DMD: variants seen among roughly 807,000 people sequenced by gnomAD.
DMD encodes the protein dystrophin.
A neutral mutation model predicts 330.1 loss-of-function variants in DMD; 63 were observed. The observed-to-expected ratio is 0.19, with a 90% CI of 0.16 to 0.24. The LOEUF is 0.24. DMD is among the 10% of genes least tolerant of loss of function. The pLI is 1.00. For missense variants in DMD, 3,344 were observed against 2,684.1 expected (o/e 1.25, Z -5.43); for synonymous variants, 1,223 against 959.8 (o/e 1.27, Z -5.07).
chrX:31,320,615 T>C (rs947747352), intron 62 of DMD, among the ~76,000 whole-genome samples: 1 of 112,189 alleles, frequency 8.9e-6, no homozygotes, highest in South Asian at 3.8e-4. Context: ...CACCGAACCT[T>C]GTACATCAAA....
Position 31,173,716 on chromosome X carries a change from G to A in DMD, c.10263-112C>T, listed in dbSNP as rs1039881103. On this transcript the variant is annotated intron_variant, in intron 71 of 78. Transcript: ENST00000357033. ...TAGAATGCTTTTATTCTAATTCTAT[G>A]GATAATGTATACATTTAGTTGCTCC... is the stretch of plus-strand genomic sequence containing the variant. 18 of 572,240 alleles carry A rather than the reference G, an allele frequency of 3.1e-5. No individual in the cohort carries two copies. The African/African-American group carries it at 3.4e-4, about 11-fold the overall frequency. 47.2% of individuals were successfully genotyped at this position (572,240 alleles called of 1,213,427 possible).
chrX:33,067,619 T>C (rs1018339579), intron 1 of DMD, among the ~76,000 whole-genome samples: 1 of 111,816 alleles, frequency 8.9e-6, no homozygotes, highest in African/African-American at 3.2e-5. Flanking sequence ...GGCGGGTGGA[T>C]CACCTGAGAT....
chrX:31,201,046 C>T (rs1399179175), intron 67 of DMD, among the ~76,000 whole-genome samples: 3 of 111,237 alleles, frequency 2.7e-5, no homozygotes, highest in African/African-American at 9.8e-5. Flanking sequence ...CATTTCAAGG[C>T]TGGATGCCGT....
rs773219863 is a variant in DMD at position 32,501,747 on chromosome X, G to A, written c.2380+8C>T. 6 of 1,186,934 alleles carry A rather than the reference G, an allele frequency of 5.1e-6. No individual in the cohort carries two copies. The East Asian group carries it at 1.8e-4, about 35-fold the overall frequency. ...AAGAAGATTATCTAAATCAACTCGT[G>A]TAATTACCATTCACCATCTGTTCCA... On this transcript the variant is annotated splice_region_variant and intron_variant, in intron 19 of 78. Transcript: ENST00000357033.
At chrX:31,451,104 T>A (rs1403798414) in intron 59 of DMD, among the ~76,000 whole-genome samples, 2 of 108,680 alleles carry the variant, frequency 1.8e-5, no homozygotes, top group Non-Finnish European at 3.8e-5. Context: ...TTTTGTTTTT[T>A]TTTTTTTTTC....
At chrX:31,801,593 A>C (rs1304756568) in intron 50 of DMD, among the ~76,000 whole-genome samples, 438 of 43,208 alleles carry the variant, frequency 0.01, 2 homozygotes, top group African/African-American at 0.019. Context: ...CCCCCCCCCA[A>C]CACACACACA....
intron 44 of DMD, among the ~76,000 whole-genome samples, chrX:32,073,672 A>G (rs5972484): frequency 0.31 from 34,371 of 110,833 alleles, 4,405 homozygotes; most frequent in African/African-American, 0.5. Flanking sequence ...AATATTTAAA[A>G]CAAATATACT....
intron 47 of DMD, among the ~76,000 whole-genome samples, chrX:31,901,900 T>C (rs1462890230): frequency 9.0e-6 from 1 of 110,794 alleles, no homozygotes; most frequent in Non-Finnish European, 1.9e-5. Flanking sequence ...ATGGCTAAAT[T>C]GAGATAATTA....
chrX:33,083,893 A>AC (rs1163087141), intron 1 of DMD, among the ~76,000 whole-genome samples: 1 of 104,713 alleles, frequency 9.5e-6, no homozygotes. Flanking sequence ...ATCTACAGAC[A>AC]CCCCACAATG....
intron 44 of DMD, among the ~76,000 whole-genome samples, chrX:32,140,789 C>T (rs1342231848): frequency 9.0e-6 from 1 of 110,950 alleles, no homozygotes; most frequent in Non-Finnish European, 1.9e-5. Context: ...ACCATGAGAA[C>T]AGTATGGGGG....
At chrX:32,123,920 T>G (rs1033285199) in intron 44 of DMD, among the ~76,000 whole-genome samples, 1 of 112,460 alleles carries the variant, frequency 8.9e-6, no homozygotes, top group African/African-American at 3.2e-5. Flanking sequence ...TTATTTTCTA[T>G]CTAAAACAAT....
At chrX:33,137,279 A>G (rs745862356) in intron 1 of DMD, among the ~76,000 whole-genome samples, 105 of 111,679 alleles carry the variant, frequency 9.4e-4, no homozygotes, top group African/African-American at 3.2e-3. Context: ...GAGGACTATT[A>G]GTCTAACAGA....
At chrX:32,075,071 G>A (rs1323401616) in intron 44 of DMD, among the ~76,000 whole-genome samples, 3 of 112,057 alleles carry the variant, frequency 2.7e-5, no homozygotes, top group African/African-American at 9.7e-5. Context: ...GAAGAGAGAG[G>A]AAGTGAACTC....
chrX:33,018,822 C>T (rs189543656), intron 2 of DMD, among the ~76,000 whole-genome samples: 1,288 of 111,030 alleles, frequency 0.012, 23 homozygotes, highest in African/African-American at 0.04. Flanking sequence ...GAATAACTTT[C>T]CTAAATATCC....
At chrX:32,616,701 TTTTTTTTTTTTTTTC>T (rs1187543704) in intron 11 of DMD, among the ~76,000 whole-genome samples, 50 of 86,027 alleles carry the variant, frequency 5.8e-4, no homozygotes, top group African/African-American at 3.2e-3. Context: ...TTTTTTTTTT[TTTTTTTTTTTTTTTC>T]TTTAAAGAAT....
chrX:32,687,490 CA>C (rs1255818183), intron 9 of DMD, among the ~76,000 whole-genome samples: 3 of 111,189 alleles, frequency 2.7e-5, no homozygotes, highest in Non-Finnish European at 5.6e-5. Context: ...GACTAAGTCA[CA>C]AAAGGCAATA....
intron 1 of DMD, among the ~76,000 whole-genome samples, chrX:33,037,283 C>T (rs2094220058): frequency 9.1e-6 from 1 of 110,381 alleles, no homozygotes; most frequent in Non-Finnish European, 1.9e-5. Context: ...TGGGAAGTTG[C>T]TCTCCTTCCT....
intron 51 of DMD, among the ~76,000 whole-genome samples, chrX:31,770,641 CCACA>C (rs2090281801): frequency 9.0e-6 from 1 of 111,731 alleles, no homozygotes; most frequent in Non-Finnish European, 1.9e-5. Flanking sequence ...ACAGCATCAC[CCACA>C]CAATATCAGA....
chrX:31,687,738 G>A (rs1375021945), intron 52 of DMD, among the ~76,000 whole-genome samples: 2 of 111,878 alleles, frequency 1.8e-5, no homozygotes, highest in East Asian at 2.8e-4. Context: ...GATTTCCACC[G>A]AAAAATCTGC....
Sources: allele counts gnomAD v4.1 joint callset (sites outside exome capture counted in the v4.1 genomes callset), GRCh38; gene constraint gnomAD v4.1.1; transcripts MANE v1.5; gene names NCBI Gene and HGNC (gene_info 2026-07-23, HGNC 2026-07-21).